Variants in TBC1D5 observed in about 807,000 individuals in gnomAD.
TBC1D5 encodes TBC1 domain family, member 5.
TBC1D5 carries 75 observed loss-of-function variants against 100.3 expected under a neutral mutation model. That is an observed-to-expected ratio of 0.75 (90% CI 0.62 to 0.91). TBC1D5 has a LOEUF of 0.91. Among genes scored for constraint, TBC1D5 ranks in the 40% least tolerant of loss-of-function variants. The pLI, the probability that TBC1D5 is intolerant of heterozygous loss-of-function variation, is 0.00. For missense variants in TBC1D5, 910 were observed against 942.4 expected (o/e 0.97, Z 0.45); for synonymous variants, 323 against 325.6 (o/e 0.99, Z 0.09).
At chr3:17,726,923 C>A (rs555340237) in intron 1 of TBC1D5, among the ~76,000 whole-genome samples, 1 of 152,276 alleles carries the variant, frequency 6.6e-6, no homozygotes, top group African/African-American at 2.4e-5. Flanking sequence ...CTTGATTCCA[C>A]CAATACTGTC....
intron 1 of TBC1D5, among the ~76,000 whole-genome samples, chr3:17,710,137 T>G (rs989049058): frequency 6.6e-6 from 1 of 151,952 alleles, no homozygotes; most frequent in Non-Finnish European, 1.5e-5. Flanking sequence ...CCAGTATCAG[T>G]AAAAATGAAC....
intron 3 of TBC1D5, among the ~76,000 whole-genome samples, chr3:17,462,023 T>C (rs868450986): frequency 6.6e-6 from 1 of 152,284 alleles, no homozygotes; most frequent in South Asian, 2.1e-4. Context: ...ACATCATTCC[T>C]ACTTTGTTTC....
At chr3:17,740,741 A>C (rs1409678924) in exon 1 of TBC1D5, 1 of 152,202 alleles carries the variant, frequency 6.6e-6, no homozygotes, top group Non-Finnish European at 1.5e-5. Flanking sequence ...CACACACTCA[A>C]TACTTCCTCC....
intron 2 of TBC1D5, among the ~76,000 whole-genome samples, chr3:17,609,908 C>T (rs1225962488): frequency 1.3e-5 from 2 of 152,222 alleles, no homozygotes; most frequent in East Asian, 3.8e-4. Flanking sequence ...ATACCACCAA[C>T]TTATACTCAG....
At chr3:17,565,383 T>C (rs978286537) in intron 2 of TBC1D5, among the ~76,000 whole-genome samples, 1 of 152,108 alleles carries the variant, frequency 6.6e-6, no homozygotes, top group Non-Finnish European at 1.5e-5. Flanking sequence ...TTTTCATATA[T>C]TGCTATTTTA....
intron 1 of TBC1D5, among the ~76,000 whole-genome samples, chr3:17,735,944 G>A (rs1194451975): frequency 6.6e-6 from 1 of 152,180 alleles, no homozygotes; most frequent in Non-Finnish European, 1.5e-5. Flanking sequence ...GACCCAAAGG[G>A]GGTTGCCGCT....
intron 15 of TBC1D5, among the ~76,000 whole-genome samples, chr3:17,270,340 T>C (rs1399784925): frequency 6.6e-6 from 1 of 152,134 alleles, no homozygotes; most frequent in Non-Finnish European, 1.5e-5. Flanking sequence ...TTAATGGATT[T>C]TTTTCCCTTG....
At chr3:17,412,821 T>C (rs1435209768) in intron 4 of TBC1D5, among the ~76,000 whole-genome samples, 1 of 152,180 alleles carries the variant, frequency 6.6e-6, no homozygotes, top group African/African-American at 2.4e-5. Flanking sequence ...AAGACATCTT[T>C]CTGGAATAAC....
chr3:17,415,692 C>T (rs528917024), intron 4 of TBC1D5, among the ~76,000 whole-genome samples: 5 of 152,014 alleles, frequency 3.3e-5, no homozygotes, highest in Non-Finnish European at 7.4e-5. Flanking sequence ...TAATAAAGGA[C>T]TGGCATTTAG....
intron 1 of TBC1D5, among the ~76,000 whole-genome samples, chr3:17,730,809 C>T (rs925174433): frequency 6.6e-6 from 1 of 152,060 alleles, no homozygotes; most frequent in Non-Finnish European, 1.5e-5. Context: ...TTAACAAGCA[C>T]GCCACCAGAA....
At chr3:17,630,678 G>C (rs2063415187) in intron 1 of TBC1D5, among the ~76,000 whole-genome samples, 1 of 152,050 alleles carries the variant, frequency 6.6e-6, no homozygotes, top group Non-Finnish European at 1.5e-5. Context: ...CTGAAAGAAA[G>C]AATCGTATGC....
At chr3:17,583,222 T>G (rs765774425) in intron 2 of TBC1D5, among the ~76,000 whole-genome samples, 4 of 151,968 alleles carry the variant, frequency 2.6e-5, no homozygotes, top group Non-Finnish European at 5.9e-5. Context: ...GAGGTAGAGG[T>G]TGCAGTGGGC....
intron 21 of TBC1D5, among the ~76,000 whole-genome samples, chr3:17,161,899 G>C (rs561364648): frequency 6.6e-6 from 1 of 152,166 alleles, no homozygotes; most frequent in Non-Finnish European, 1.5e-5. Context: ...TAACCGGTAG[G>C]TTCTACAAAT....
Position 17,408,526 on chromosome 3 carries a change from G to A in TBC1D5, c.168-2000C>T, listed in dbSNP as rs576469099. Among the ~76,000 whole-genome samples, 238 of 152,064 alleles carry A rather than the reference G, an allele frequency of 1.6e-3. 1 individual carries two copies. The highest frequency in any genetic ancestry group is 6.8e-3 in the Middle Eastern group (2 of 294). ...TTTTGTAGAGACTGGGTATTCCTAT[G>A]TTGCCCAGATTGGTCTACAAAGGGC... On this transcript the variant is annotated intron_variant, in intron 4 of 21. Transcript: ENST00000253692.
intron 17 of TBC1D5, among the ~76,000 whole-genome samples, chr3:17,221,248 T>C (rs62249395): frequency 0.018 from 2,765 of 152,154 alleles, 34 homozygotes; most frequent in Middle Eastern, 0.031. Flanking sequence ...TGGGTTATCA[T>C]GGTTGGCCAA....
At chr3:17,670,407 C>G (rs2153781528) in intron 1 of TBC1D5, among the ~76,000 whole-genome samples, 1 of 152,326 alleles carries the variant, frequency 6.6e-6, no homozygotes, top group Non-Finnish European at 1.5e-5. Flanking sequence ...TTCAAGATTG[C>G]TAGAACCAGA....
chr3:17,543,817 T>C (rs2096384297), intron 2 of TBC1D5, among the ~76,000 whole-genome samples: 2 of 152,074 alleles, frequency 1.3e-5, no homozygotes, highest in African/African-American at 2.4e-5. Context: ...AAGTCTACCC[T>C]CAGAATTTCT....
intron 16 of TBC1D5, among the ~76,000 whole-genome samples, chr3:17,255,845 T>C (rs6802891): frequency 0.59 from 90,171 of 151,776 alleles, 27,489 homozygotes; most frequent in East Asian, 0.98. Context: ...GAGACCATCT[T>C]GGCTAACACG....
At chr3:17,656,767 T>C (rs993693258) in intron 1 of TBC1D5, among the ~76,000 whole-genome samples, 2 of 152,202 alleles carry the variant, frequency 1.3e-5, no homozygotes, top group Middle Eastern at 3.2e-3. Flanking sequence ...TACACTTTCA[T>C]ATGTTTTTTC....
Sources: allele counts gnomAD v4.1 joint callset (sites outside exome capture counted in the v4.1 genomes callset), GRCh38; gene constraint gnomAD v4.1.1; transcripts MANE v1.5; gene names NCBI Gene and HGNC (gene_info 2026-07-23, HGNC 2026-07-21).